ABHD12B: variants seen among roughly 807,000 people sequenced by gnomAD.
ABHD12B encodes the protein abhydrolase domain containing 12B.
ABHD12B carries 42 observed loss-of-function variants against 50.4 expected under a neutral mutation model. The ratio of observed to expected loss-of-function variants is 0.83; its 90% CI spans 0.65 to 1.08. The LOEUF (loss-of-function observed/expected upper bound fraction) is 1.08. Ranked by LOEUF, ABHD12B falls within the 50% of genes least tolerant of loss-of-function variation. The pLI is 0.00. For missense variants in ABHD12B, 479 were observed against 447.7 expected, an observed-to-expected ratio of 1.07 and a Z score of -0.63; for synonymous variants, 167 against 160.3, an observed-to-expected ratio of 1.04 and a Z score of -0.32.
At chr14:50,896,606 C>T (rs532165358) in intron 9 of ABHD12B, among the ~76,000 whole-genome samples, 2 of 138,992 alleles carry the variant, frequency 1.4e-5, no homozygotes, top group African/African-American at 5.0e-5. Context: ...GAAGCTGCCC[C>T]ACCTTAACTG....
chr14:50,888,709 A>G, intron 8 of ABHD12B, 115 bp from the exon 9 acceptor site: 1 of 835,850 alleles, frequency 1.2e-6, no homozygotes, highest in Non-Finnish European at 1.9e-6. Context: ...TAACCTTCAC[A>G]AATAATTTTG....
In ABHD12B at chr14:50,888,922, T is replaced by G. The variant is rs779093624; in HGVS notation, c.780+19T>G. ...GTTAAAGGTGAGACTCTGATTCATCTTTACAAGGGATCAAAGTAGGCTATT... is the reference window on the plus strand; with the variant it reads ...GTTAAAGGTGAGACTCTGATTCATCGTTACAAGGGATCAAAGTAGGCTATT... On this transcript the variant is annotated intron_variant, in intron 9 of 12. Coordinates refer to ENST00000337334, the MANE Select transcript of ABHD12B (RefSeq NM_001206673.2). 2 of 1,606,842 alleles carry G rather than the reference T, an allele frequency of 1.2e-6. No homozygotes were observed.
chr14:50,876,268 C>T (rs906893269), intron 1 of ABHD12B, among the ~76,000 whole-genome samples: 1 of 152,194 alleles, frequency 6.6e-6, no homozygotes, highest in Non-Finnish European at 1.5e-5. Flanking sequence ...ATCCATTACC[C>T]TTAGCCCACA....
chr14:50,884,557 C>T (rs919401388), intron 5 of ABHD12B, among the ~76,000 whole-genome samples: 6 of 152,218 alleles, frequency 3.9e-5, no homozygotes, highest in South Asian at 2.1e-4. Flanking sequence ...ACTTAAGCTC[C>T]ACAAGGCTCA....
intron 8 of ABHD12B, among the ~76,000 whole-genome samples, chr14:50,887,008 G>C (rs2050049360): frequency 6.6e-6 from 1 of 152,002 alleles, no homozygotes; most frequent in South Asian, 2.1e-4. Context: ...GAGGTCAGGA[G>C]TTCGAGACCA....
intron 3 of ABHD12B, among the ~76,000 whole-genome samples, chr14:50,879,906 T>C (rs545934995): frequency 6.6e-6 from 1 of 152,334 alleles, no homozygotes; most frequent in African/African-American, 2.4e-5. Flanking sequence ...TGACATGTCA[T>C]ATGGCAGTGT....
intron 9 of ABHD12B, among the ~76,000 whole-genome samples, chr14:50,897,303 A>G (rs946138733): frequency 6.6e-6 from 1 of 151,946 alleles, no homozygotes; most frequent in African/African-American, 2.4e-5. Flanking sequence ...TAAACTCTTG[A>G]CCTCAGGTGA....
At chr14:50,876,160 G>A (rs1434221022) in intron 1 of ABHD12B, among the ~76,000 whole-genome samples, 1 of 152,118 alleles carries the variant, frequency 6.6e-6, no homozygotes, top group Non-Finnish European at 1.5e-5. Flanking sequence ...AGGGGTGGTG[G>A]GGTGCTATTT....
chr14:50,897,248 AT>A (rs542196403), intron 9 of ABHD12B, among the ~76,000 whole-genome samples: 1 of 151,752 alleles, frequency 6.6e-6, no homozygotes, highest in Non-Finnish European at 1.5e-5. Flanking sequence ...AATTTTTTGC[AT>A]TTTTAGTAGA....
At chr14:50,890,711 T>C (rs1165327553) in intron 9 of ABHD12B, among the ~76,000 whole-genome samples, 1 of 152,178 alleles carries the variant, frequency 6.6e-6, no homozygotes, top group Non-Finnish European at 1.5e-5. Flanking sequence ...ATCTATTGTG[T>C]TGTTTATTAT....
chr14:50,889,135 T>G (rs2050083164), intron 9 of ABHD12B, among the ~76,000 whole-genome samples: 1 of 152,270 alleles, frequency 6.6e-6, no homozygotes, highest in Non-Finnish European at 1.5e-5. Flanking sequence ...TGTTTTATAA[T>G]TTTGTAGTAG....
rs1247935130 is a variant in ABHD12B, at chr14:50,872,126, C to T, written c.-49C>T. The T allele has an allele frequency of 2.1e-5, 26 of 1,217,704 alleles. No individual in the cohort carries two copies. Among genetic ancestry groups the T allele is most frequent in the Non-Finnish European group, 2.7e-5 (26 of 972,304 alleles). The allele number at this position is 1,217,704 out of a possible 1,614,324, so 75.4% of individuals were successfully genotyped here. A position where few individuals can be genotyped will look rare whatever the true frequency, so the allele number is the denominator to read the frequency against. ...GCGGGAAGGTCGCGGGCGGCTGCTC[C>T]GGACTGCAGCTCCCGCGGCGGTGGC... On this transcript the variant is annotated 5_prime_UTR_variant, in exon 1 of 13. Coordinates refer to ENST00000337334, the MANE Select transcript of ABHD12B (RefSeq NM_001206673.2).
chr14:50,892,866 A>G (rs2142756123), intron 9 of ABHD12B: 1 of 152,428 alleles, frequency 6.6e-6, no homozygotes, highest in Middle Eastern at 3.4e-3. Context: ...ATTTTATAAT[A>G]TTATTGTGAT....
intron 2 of ABHD12B, 77 bp downstream of exon 2, chr14:50,878,156 G>A (rs1013601214): frequency 1.1e-5 from 14 of 1,222,868 alleles, no homozygotes; most frequent in African/African-American, 6.2e-5. Flanking sequence ...AAGTTGTGAC[G>A]TAGTGAAAAG....
chr14:50,895,066 C>G (rs2050178119), intron 9 of ABHD12B, among the ~76,000 whole-genome samples: 1 of 149,746 alleles, frequency 6.7e-6, no homozygotes, highest in South Asian at 2.1e-4. Context: ...TATCCCAAAT[C>G]AGATAGCATT....
At chr14:50,884,546 T>G (rs2050006708) in intron 5 of ABHD12B, among the ~76,000 whole-genome samples, 1 of 152,194 alleles carries the variant, frequency 6.6e-6, no homozygotes, top group Admixed American at 6.6e-5. Flanking sequence ...TTAAATAAGT[T>G]ACTTAAGCTC....
At chr14:50,888,967 T>G in intron 9 of ABHD12B, 64 bp downstream of exon 9, 1 of 1,271,020 alleles carries the variant, frequency 7.9e-7, no homozygotes, top group South Asian at 1.3e-5. Context: ...TGTAGGCTAT[T>G]TCTACACATG....
In ABHD12B at chr14:50,888,865, A is replaced by G; in HGVS notation, c.742A>G (p.Asn248Asp). Residue 248 changes from asparagine (N) to aspartate (D), a missense_variant, in exon 9 of 13, where the codon AAC (asparagine) becomes GAC (aspartate). By Grantham distance (23) the Asn-to-Asp change is conservative. Transcript: ENST00000337334. Reference protein sequence around the residue: ...DAIVLEAPFTNMWVASINYPL... With the variant: ...DAIVLEAPFTDMWVASINYPL... ...TATTGTCTTGGAAGCTCCATTTACCAACATGTGGGTTGCAAGTATCAATTA... is the reference window on the plus strand; with the variant it reads ...TATTGTCTTGGAAGCTCCATTTACCGACATGTGGGTTGCAAGTATCAATTA... The G allele has an allele frequency of 1.9e-6, 3 of 1,614,086 alleles. No homozygotes were observed. Among genetic ancestry groups the G allele is most frequent in the Non-Finnish European group, 2.5e-6 (3 of 1,180,002 alleles).
chr14:50,888,754 C>A (rs2050075506), intron 8 of ABHD12B, 70 bp from the exon 9 acceptor site: 2 of 1,347,792 alleles, frequency 1.5e-6, no homozygotes, highest in African/African-American at 2.9e-5. Flanking sequence ...CTTGAATACC[C>A]CTTATCTAGG....
Sources: gnomAD v4.1 joint callset for allele counts (sites outside exome capture counted in the v4.1 genomes callset) on GRCh38, gnomAD v4.1.1 for gene constraint, MANE v1.5 for transcripts, NCBI Gene and HGNC (gene_info 2026-07-23, HGNC 2026-07-21) for gene names.